Variants in DNAAF4 observed in about 807,000 individuals in gnomAD.
The protein encoded by DNAAF4 is dynein assembly factor 4, axonemal.
Under a neutral mutation model 51.8 loss-of-function variants are expected in DNAAF4, and 43 were observed. The observed-to-expected ratio is 0.83, with a 90% confidence interval of 0.65 to 1.07. The LOEUF is 1.07. DNAAF4 is among the 50% of genes least tolerant of loss of function. The pLI, the probability that DNAAF4 is intolerant of heterozygous loss-of-function variation, is 0.00. For missense variants in DNAAF4, 581 were observed against 493.0 expected, an observed-to-expected ratio of 1.18 and a Z score of -1.69; for synonymous variants, 194 against 165.6, an observed-to-expected ratio of 1.17 and a Z score of -1.32.
intron 1 of DNAAF4, among the ~76,000 whole-genome samples, chr15:55,502,767 T>C (rs1307209517): frequency 2.0e-5 from 3 of 152,176 alleles, no homozygotes; most frequent in Non-Finnish European, 4.4e-5. Flanking sequence ...GGGGCACATT[T>C]AAAGCAGTGT....
chr15:55,441,901 A>G (rs1180300595), intron 6 of DNAAF4, among the ~76,000 whole-genome samples: 2 of 152,200 alleles, frequency 1.3e-5, no homozygotes, highest in Non-Finnish European at 2.9e-5. Context: ...TACTCTGACC[A>G]AAAAGATTCA....
At chr15:55,470,847 A>ATTTTTT (rs1169756178) in intron 4 of DNAAF4, among the ~76,000 whole-genome samples, 1 of 99,026 alleles carries the variant, frequency 1.0e-5, no homozygotes, top group Non-Finnish European at 1.8e-5. Context: ...TGCCTGGCGG[A>ATTTTTT]TTTTTTTTTT....
At chr15:55,436,949 T>C (rs1285236694) in intron 7 of DNAAF4, among the ~76,000 whole-genome samples, 1 of 152,038 alleles carries the variant, frequency 6.6e-6, no homozygotes, top group Non-Finnish European at 1.5e-5. Flanking sequence ...GCCTCCCGAG[T>C]AGCTGGGATT....
In DNAAF4 at chr15:55,430,499, A is replaced by T; in HGVS notation, c.*171T>A. 8.4e-7 allele frequency: 1 copy of T among 1,190,888 alleles called. No individual in the cohort carries two copies. The highest frequency in any genetic ancestry group is 1.1e-6 in the Non-Finnish European group (1 of 946,030). The allele number at this position is 1,190,888 out of a possible 1,614,324, so 73.8% of individuals were successfully genotyped here. On this transcript the variant is annotated 3_prime_UTR_variant, in exon 10 of 10. Coordinates refer to ENST00000321149, the MANE Select transcript of DNAAF4 (RefSeq NM_130810.4). ...TCTTATTTAGATTTACTTATTCAGA[A>T]ATGATTCAAGTCAAACAGTTTATTT...
chr15:55,421,741 T>A (rs898206413), intron 7 of DNAAF4, among the ~76,000 whole-genome samples: 1 of 151,174 alleles, frequency 6.6e-6, no homozygotes, highest in Admixed American at 6.6e-5. Flanking sequence ...ACAAAAAAAA[T>A]TAGCTGGCAT....
chr15:55,440,079 T>C (rs150530576), intron 6 of DNAAF4, among the ~76,000 whole-genome samples: 207 of 152,138 alleles, frequency 1.4e-3, no homozygotes, highest in African/African-American at 4.7e-3. Context: ...TTTTTTTTTA[T>C]CTTGCTCTGT....
At chr15:55,433,913 AT>A (rs1243081387) in intron 8 of DNAAF4, among the ~76,000 whole-genome samples, 1,668 of 12,176 alleles carry the variant, frequency 0.14, 156 homozygotes, top group African/African-American at 0.36. Flanking sequence ...ATTATATATA[AT>A]TATATATATT....
At chr15:55,469,151 T>C (rs1437694379) in intron 4 of DNAAF4, among the ~76,000 whole-genome samples, 1 of 151,782 alleles carries the variant, frequency 6.6e-6, no homozygotes, top group Non-Finnish European at 1.5e-5. Flanking sequence ...GCCAACATGG[T>C]GAAACCCTGT....
Position 55,497,669 on chromosome 15 carries a change from G to A in DNAAF4, c.271+43C>T, listed in dbSNP as rs369963647. On this transcript the variant is annotated intron_variant, in intron 3 of 9. Transcript: ENST00000321149. ...AAAATTTTTTAAAAGGTCTGAAACC[G>A]AAAAGGTACAACCAGATGAACATCT... is the stretch of plus-strand genomic sequence containing the variant. 230 of 1,559,950 alleles carry A rather than the reference G, an allele frequency of 1.5e-4. 4 individuals carry two copies. The highest frequency in any genetic ancestry group is 1.4e-3 in the Middle Eastern group (8 of 5,808).
intron 6 of DNAAF4, among the ~76,000 whole-genome samples, chr15:55,444,835 C>T (rs111720883): frequency 5.3e-5 from 8 of 151,852 alleles, no homozygotes; most frequent in Non-Finnish European, 8.8e-5. Flanking sequence ...ACTCATGATT[C>T]GGCTCTCTGT....
At chr15:55,465,552 C>T (rs1220863265) in intron 5 of DNAAF4, among the ~76,000 whole-genome samples, 1 of 149,918 alleles carries the variant, frequency 6.7e-6, no homozygotes, top group Non-Finnish European at 1.5e-5. Context: ...AACCAAATAC[C>T]ATATGTTCTC....
At chr15:55,501,936 A>G (rs954110253) in intron 1 of DNAAF4, among the ~76,000 whole-genome samples, 1 of 151,744 alleles carries the variant, frequency 6.6e-6, no homozygotes, top group Non-Finnish European at 1.5e-5. Flanking sequence ...CCAGCTACTC[A>G]GGAGGCTGAG....
intron 7 of DNAAF4, among the ~76,000 whole-genome samples, chr15:55,421,838 G>T (rs866034558): frequency 6.6e-6 from 1 of 150,836 alleles, no homozygotes; most frequent in Admixed American, 6.6e-5. Flanking sequence ...GCGGTGAGCC[G>T]ATATCACACC....
At position 55,423,916 on chromosome 15, in the gene DNAAF4, G is replaced by T. The variant is rs1185166148; in HGVS notation, c.1048-5783C>A. Among the ~76,000 whole-genome samples, 3 of 152,186 alleles carry T rather than the reference G, an allele frequency of 2.0e-5. No individual in the cohort carries two copies. The East Asian group carries it at 5.8e-4, about 30-fold the overall frequency. ...ACCAGCCTGGGCAACATGGTGAAAA[G>T]CCATCTCTACTAAAAATACCAAAAT... is the stretch of plus-strand genomic sequence containing the variant. On this transcript the variant is annotated intron_variant, in intron 7 of 7. Coordinates refer to the DNAAF4 transcript ENST00000448430.
intron 7 of DNAAF4, among the ~76,000 whole-genome samples, chr15:55,437,735 G>A (rs1353918837): frequency 6.6e-6 from 1 of 152,168 alleles, no homozygotes; most frequent in East Asian, 1.9e-4. Flanking sequence ...AACGCAATCA[G>A]TGGCTGGGGA....
At chr15:55,449,883 C>T (rs893020165) in intron 6 of DNAAF4, among the ~76,000 whole-genome samples, 1 of 151,440 alleles carries the variant, frequency 6.6e-6, no homozygotes, top group East Asian at 2.0e-4. Context: ...ATTTTTAGTA[C>T]AGATGGAGTT....
chr15:55,502,263 G>A (rs999946354), intron 1 of DNAAF4, among the ~76,000 whole-genome samples: 13 of 152,070 alleles, frequency 8.5e-5, no homozygotes, highest in Admixed American at 2.6e-4. Context: ...TAGTATGAGT[G>A]TTTTCAGAAA....
At chr15:55,460,304 T>C (rs1042888979) in intron 5 of DNAAF4, among the ~76,000 whole-genome samples, 1 of 151,440 alleles carries the variant, frequency 6.6e-6, no homozygotes, top group African/African-American at 2.4e-5. Context: ...CTCAGCCTCC[T>C]GAGTAGCTGG....
At position 55,498,514 on chromosome 15, in the gene DNAAF4, A is replaced by T; in HGVS notation, c.-185T>A. On this transcript the variant is annotated 5_prime_UTR_variant, in exon 2 of 10. Transcript: ENST00000321149. ...GCGTGACTATCCAGGCGCCCAGACC[A>T]GAGAGTGATGCCGATTCTTGGGGTT... The T allele has an allele frequency of 7.7e-6, 5 of 650,144 alleles. No homozygotes were observed. The highest frequency in any genetic ancestry group is 1.2e-5 in the Non-Finnish European group (5 of 420,158). 40.3% of individuals were successfully genotyped at this position (650,144 alleles called of 1,614,324 possible).
Sources: allele counts gnomAD v4.1 joint callset (sites outside exome capture counted in the v4.1 genomes callset), GRCh38; gene constraint gnomAD v4.1.1; transcripts MANE v1.5; gene names NCBI Gene and HGNC (gene_info 2026-07-23, HGNC 2026-07-21).